The following WARS2 variants were observed in gnomAD, a reference collection of about 807,000 sequenced individuals.
WARS2 encodes tryptophan--tRNA ligase, mitochondrial.
In WARS2, 28 loss-of-function variants were observed where a neutral mutation model predicts 36.5. That is an observed-to-expected ratio of 0.77 (90% CI 0.57 to 1.05). The LOEUF is 1.05. Ranked by LOEUF, WARS2 falls within the 50% of genes least tolerant of loss-of-function variation. The pLI, the probability that WARS2 is intolerant of heterozygous loss-of-function variation, is 0.00. For missense variants in WARS2, 435 were observed against 456.8 expected, an observed-to-expected ratio of 0.95 and a Z score of 0.44; for synonymous variants, 174 against 178.4, an observed-to-expected ratio of 0.98 and a Z score of 0.20.
intron 1 of WARS2, among the ~76,000 whole-genome samples, chr1:119,088,471 T>C (rs1294633158): frequency 8.5e-6 from 1 of 117,116 alleles, no homozygotes; most frequent in East Asian, 3.4e-4. Context: ...CACACACAAA[T>C]AAAAGGACTA....
intron 1 of WARS2, among the ~76,000 whole-genome samples, chr1:119,092,504 T>C (rs914736291): frequency 2.6e-5 from 4 of 152,202 alleles, no homozygotes; most frequent in African/African-American, 7.2e-5. Context: ...ACTAAATCTA[T>C]TGACTCATGA....
intron 2 of WARS2, among the ~76,000 whole-genome samples, chr1:119,049,248 A>C (rs1295356430): frequency 6.6e-6 from 1 of 152,136 alleles, no homozygotes; most frequent in Non-Finnish European, 1.5e-5. Context: ...GGGCAGTCGG[A>C]GGACAACCTG....
intron 1 of WARS2, among the ~76,000 whole-genome samples, chr1:119,121,967 T>C (rs930781839): frequency 6.6e-6 from 1 of 152,058 alleles, no homozygotes; most frequent in South Asian, 2.1e-4. Flanking sequence ...AAAATTCTCC[T>C]AGATACTGGC....
At chr1:119,045,124 TA>T (rs780336587) in intron 3 of WARS2, among the ~76,000 whole-genome samples, 19 of 152,252 alleles carry the variant, frequency 1.2e-4, no homozygotes, top group Non-Finnish European at 8.8e-5. Flanking sequence ...AGTATAGCCC[TA>T]ATTATTCTGT....
In WARS2 at chr1:119,032,834, C is replaced by A. The variant is rs533221948; in HGVS notation, c.*77G>T. On this transcript the variant is annotated 3_prime_UTR_variant, in exon 6 of 6. Coordinates refer to ENST00000235521, the MANE Select transcript of WARS2 (RefSeq NM_015836.4). ...AAATGTCCCAAAACTATAACTTTTT[C>A]TTTTTAGGAAAGCTGCCGTTATCAG... 582 of 1,380,914 alleles carry A rather than the reference C, an allele frequency of 4.2e-4. 2 individuals are homozygous for A. In the South Asian group the frequency reaches 7.6e-3, roughly 18 times the overall value. The allele number at this position is 1,380,914 out of a possible 1,614,324, so 85.5% of individuals were successfully genotyped here.
At chr1:119,083,119 C>T (rs35291040) in intron 1 of WARS2, among the ~76,000 whole-genome samples, 8,943 of 152,242 alleles carry the variant, frequency 0.059, 290 homozygotes, top group South Asian at 0.11. Flanking sequence ...ATCCCAGCTA[C>T]TTGGGAGGCT....
intron 4 of WARS2, among the ~76,000 whole-genome samples, chr1:119,041,735 A>G (rs2101119167): frequency 6.6e-6 from 1 of 152,324 alleles, no homozygotes; most frequent in African/African-American, 2.4e-5. Flanking sequence ...TCTAGAATAT[A>G]TAAAAAATCA....
At chr1:119,085,121 C>T (rs1652527377) in intron 1 of WARS2, 1 of 783,124 alleles carries the variant, frequency 1.3e-6, no homozygotes, top group African/African-American at 1.7e-5. Flanking sequence ...CTTCAGAACG[C>T]CCGTTGTACG....
intron 1 of WARS2, among the ~76,000 whole-genome samples, chr1:119,119,969 C>T (rs920898801): frequency 9.2e-5 from 14 of 151,998 alleles, no homozygotes; most frequent in African/African-American, 3.1e-4. Flanking sequence ...TCTGAAAGAA[C>T]ACAAATAGAC....
At chr1:119,049,327 C>T (rs892607069) in intron 2 of WARS2, among the ~76,000 whole-genome samples, 1 of 152,108 alleles carries the variant, frequency 6.6e-6, no homozygotes, top group African/African-American at 2.4e-5. Context: ...CTGTTTTCTC[C>T]GTATTTCAAT....
chr1:119,118,504 AT>A (rs1408104200), intron 1 of WARS2, among the ~76,000 whole-genome samples: 1 of 152,166 alleles, frequency 6.6e-6, no homozygotes, highest in Non-Finnish European at 1.5e-5. Context: ...ATGCAAACTT[AT>A]TTGAGGGAAT....
chr1:119,111,787 C>T (rs12760802), intron 1 of WARS2, among the ~76,000 whole-genome samples: 5,213 of 152,258 alleles, frequency 0.034, 106 homozygotes, highest in Middle Eastern at 0.058. Context: ...GGTTTCTGCT[C>T]ATGGGTTTTT....
At chr1:119,051,762 ATTTT>A (rs527937756) in intron 2 of WARS2, among the ~76,000 whole-genome samples, 32,767 of 113,864 alleles carry the variant, frequency 0.29, 3,769 homozygotes, top group African/African-American at 0.4. Context: ...TCTCGCTGTA[ATTTT>A]TTTTTTTTTT....
Position 119,083,715 on chromosome 1 carries a change from C to T in WARS2, c.91-7108G>A, listed in dbSNP as rs774554430. On this transcript the variant is annotated intron_variant, in intron 1 of 5. Coordinates refer to ENST00000235521, the MANE Select transcript of WARS2 (RefSeq NM_015836.4). ...TCTATATTTAAATGCAAAGGTTATA[C>T]GTAAGTAAAGAATAAGGAGGCAAGT... 2.0e-5 allele frequency among the ~76,000 whole-genome samples: 3 copies of T among 151,976 alleles called. 1 individual carries two copies. Among genetic ancestry groups the T allele is most frequent in the East Asian group, 3.9e-4 (2 of 5,180 alleles).
At chr1:119,037,310 A>G (rs1647965901) in intron 4 of WARS2, among the ~76,000 whole-genome samples, 1 of 140,122 alleles carries the variant, frequency 7.1e-6, no homozygotes, top group Admixed American at 6.8e-5. Context: ...TGCATCTATG[A>G]TACTTGAGAT....
chr1:119,049,994 G>A (rs1405405630), intron 2 of WARS2, among the ~76,000 whole-genome samples: 1 of 152,046 alleles, frequency 6.6e-6, no homozygotes. Context: ...TCACTCCTCC[G>A]CTCAAAATCT....
At chr1:119,036,421 C>A (rs1296539949) in intron 4 of WARS2, among the ~76,000 whole-genome samples, 1 of 152,128 alleles carries the variant, frequency 6.6e-6, no homozygotes, top group Non-Finnish European at 1.5e-5. Context: ...TGCAGACACC[C>A]CACCTTTGTA....
chr1:119,038,888 G>C (rs1358912632), intron 4 of WARS2, among the ~76,000 whole-genome samples: 1 of 152,064 alleles, frequency 6.6e-6, no homozygotes, highest in African/African-American at 2.4e-5. Context: ...CACCATTTTG[G>C]CCAGGCTGGT....
Position 119,032,784 on chromosome 1 carries a change from A to T in WARS2, c.*127T>A. On this transcript the variant is annotated 3_prime_UTR_variant, in exon 6 of 6. Coordinates refer to ENST00000235521, the MANE Select transcript of WARS2 (RefSeq NM_015836.4). Reference sequence around the variant, plus strand: ...CTACAAAGCAATATTCATCAAATAAAGCCAATAATCAGCTATACCAAATTA... The same window carrying T: ...CTACAAAGCAATATTCATCAAATAATGCCAATAATCAGCTATACCAAATTA... 1 of 864,518 alleles carries T rather than the reference A, an allele frequency of 1.2e-6. No individual in the cohort carries two copies. Among genetic ancestry groups the T allele is most frequent in the South Asian group, 1.8e-5 (1 of 54,684 alleles). 53.6% of individuals were successfully genotyped at this position (864,518 alleles called of 1,614,324 possible).
Sources: allele counts gnomAD v4.1 joint callset (sites outside exome capture counted in the v4.1 genomes callset), GRCh38; gene constraint gnomAD v4.1.1; transcripts MANE v1.5; gene names NCBI Gene and HGNC (gene_info 2026-07-23, HGNC 2026-07-21).